KBTBD12: variants seen among roughly 807,000 people sequenced by gnomAD.
The protein encoded by KBTBD12 is kelch repeat and BTB domain-containing protein 12.
In KBTBD12, 53 loss-of-function variants were observed where a neutral mutation model predicts 58.7. That is an observed-to-expected ratio of 0.90 (90% confidence interval 0.72 to 1.14). The LOEUF (loss-of-function observed/expected upper bound fraction) is 1.14, where lower values mean the gene tolerates loss of function less well. Ranked by LOEUF, KBTBD12 falls within the 50% of genes most tolerant of loss-of-function variation. The pLI is 0.00. For synonymous variants in KBTBD12, 236 were observed against 259.8 expected (o/e 0.91, Z 0.88); for missense variants, 704 against 751.3 (o/e 0.94, Z 0.74).
chr3:127,966,818 AGAACACTGGG>A (rs1157604908), intron 5 of KBTBD12, among the ~76,000 whole-genome samples: 2 of 152,240 alleles, frequency 1.3e-5, no homozygotes, highest in Non-Finnish European at 2.9e-5. Flanking sequence ...GTGACATTAC[AGAACACTGGG>A]GAAAAAAATA....
At chr3:127,937,383 A>G (rs1939853767) in intron 4 of KBTBD12, among the ~76,000 whole-genome samples, 1 of 152,210 alleles carries the variant, frequency 6.6e-6, no homozygotes, top group African/African-American at 2.4e-5. Context: ...ATGTAAAAAT[A>G]TATAACAATA....
At chr3:127,969,162 A>T (rs55993298) in intron 5 of KBTBD12, among the ~76,000 whole-genome samples, 4,182 of 152,268 alleles carry the variant, frequency 0.027, 192 homozygotes, top group African/African-American at 0.095. Flanking sequence ...TGACATAATC[A>T]TTTTTTTCGA....
chr3:127,930,791 T>C (rs769572869), intron 4 of KBTBD12, among the ~76,000 whole-genome samples: 3 of 152,182 alleles, frequency 2.0e-5, no homozygotes, highest in African/African-American at 4.8e-5. Flanking sequence ...TTGTACTTCT[T>C]ATATGTATGG....
At chr3:127,968,430 C>A (rs1267507198) in intron 5 of KBTBD12, among the ~76,000 whole-genome samples, 1 of 152,194 alleles carries the variant, frequency 6.6e-6, no homozygotes, top group Non-Finnish European at 1.5e-5. Flanking sequence ...CAGTGTTATT[C>A]TGATACCAAA....
intron 4 of KBTBD12, among the ~76,000 whole-genome samples, chr3:127,942,801 G>A (rs961764796): frequency 2.0e-5 from 3 of 151,700 alleles, no homozygotes; most frequent in Non-Finnish European, 2.9e-5. Context: ...TTTAGCTCAT[G>A]GTTCTGCAGA....
rs762009825 is a variant in KBTBD12 at position 127,924,009 on chromosome 3, C to T, written c.948C>T (p.Tyr316=). ...CCTATTTCATCTCATCTCCCAAGTACGGAGAGGGTTTAGGAACTGTGTGTA... is the reference window on the plus strand; with the variant it reads ...CCTATTTCATCTCATCTCCCAAGTATGGAGAGGGTTTAGGAACTGTGTGTA... ...RKTYFISSPK[Y]GEGLGTVCTG... is the part of the protein sequence containing the mutation. Residue 316 remains tyrosine (Y), a synonymous_variant, in exon 2 of 6, where the codon TAC becomes TAT. Coordinates refer to ENST00000405109, the MANE Select transcript of KBTBD12 (RefSeq NM_207335.4). 6.8e-6 allele frequency: 11 copies of T among 1,613,426 alleles called. No individual in the cohort carries two copies. In the Middle Eastern group the frequency reaches 4.9e-4, roughly 72 times the overall value.
chr3:127,951,295 A>G (rs1940197930), intron 4 of KBTBD12, among the ~76,000 whole-genome samples: 1 of 152,224 alleles, frequency 6.6e-6, no homozygotes. Context: ...ATTCTCATTG[A>G]ACAAAGCAAA....
chr3:127,930,815 A>G (rs1398258346), intron 4 of KBTBD12, among the ~76,000 whole-genome samples: 1 of 152,178 alleles, frequency 6.6e-6, no homozygotes. Flanking sequence ...TGTACTAACC[A>G]TAACTAACAA....
chr3:127,984,208 T>A lies in KBTBD12; in HGVS notation c.1802T>A (p.Val601Glu), dbSNP rs182302391. The change falls in exon 6 of 6, where the codon GTA becomes GAA. Residue 601 changes from valine to glutamate, a missense_variant. By Grantham distance (121) the Val-to-Glu change is moderately radical. Transcript: ENST00000405109. ...CATGACAGCTATGATGTCTGCCTAG[T>A]AGCCAGGATGAATCCCCGAGACCTC... ...LMHDSYDVCLVARMNPRDLIP... is the reference protein window; with the variant it reads ...LMHDSYDVCLEARMNPRDLIP... 1.2e-6 allele frequency: 2 copies of A among 1,613,886 alleles called. No homozygotes were observed. The highest frequency in any genetic ancestry group is 2.7e-5 in the African/African-American group (2 of 74,930).
At chr3:127,983,581 C>T (rs1576399509) in intron 5 of KBTBD12, among the ~76,000 whole-genome samples, 1 of 152,034 alleles carries the variant, frequency 6.6e-6, no homozygotes. Flanking sequence ...GATGAAACCC[C>T]GTCTCTACTA....
chr3:127,931,601 C>G (rs1939702123), intron 4 of KBTBD12, among the ~76,000 whole-genome samples: 1 of 152,076 alleles, frequency 6.6e-6, no homozygotes, highest in South Asian at 2.1e-4. Flanking sequence ...AAAGTGGAGC[C>G]ACAACGAGGC....
At chr3:127,918,683 G>A (rs1360376711) in intron 1 of KBTBD12, among the ~76,000 whole-genome samples, 1 of 150,320 alleles carries the variant, frequency 6.7e-6, no homozygotes, top group Non-Finnish European at 1.5e-5. Flanking sequence ...CTGCACTCAA[G>A]CCTGGGCGAC....
intron 2 of KBTBD12, 51 bp from the exon 3 acceptor site, chr3:127,927,713 A>G (rs1169410328): frequency 1.5e-6 from 2 of 1,296,780 alleles, no homozygotes; most frequent in African/African-American, 2.9e-5. Flanking sequence ...TTCTTGGGTA[A>G]ATTGCTTTCA....
At chr3:127,959,282 A>G (rs570941205) in intron 4 of KBTBD12, among the ~76,000 whole-genome samples, 2 of 152,272 alleles carry the variant, frequency 1.3e-5, no homozygotes, top group African/African-American at 4.8e-5. Flanking sequence ...ATCCTTTTCT[A>G]TTGTTAGGTC....
At chr3:127,958,036 A>C (rs1313292183) in intron 4 of KBTBD12, among the ~76,000 whole-genome samples, 4 of 152,148 alleles carry the variant, frequency 2.6e-5, no homozygotes, top group South Asian at 2.1e-4. Flanking sequence ...AGGCGGAGAG[A>C]TCAGCCCAAG....
chr3:127,982,245 C>G (rs1940886481), intron 5 of KBTBD12, among the ~76,000 whole-genome samples: 1 of 152,232 alleles, frequency 6.6e-6, no homozygotes, highest in Non-Finnish European at 1.5e-5. Context: ...GTTTTGACAA[C>G]TTAAGAGACC....
intron 4 of KBTBD12, among the ~76,000 whole-genome samples, chr3:127,949,205 A>G (rs1559768078): frequency 6.6e-6 from 1 of 152,212 alleles, no homozygotes; most frequent in Non-Finnish European, 1.5e-5. Flanking sequence ...GCTTACTTCA[A>G]GAAGTTGGGG....
chr3:127,921,782 A>G (rs1332351637), intron 1 of KBTBD12, among the ~76,000 whole-genome samples: 1 of 152,144 alleles, frequency 6.6e-6, no homozygotes, highest in African/African-American at 2.4e-5. Flanking sequence ...CATCCAAGCA[A>G]AATATTTATT....
At chr3:127,973,668 G>C (rs1940725153) in intron 5 of KBTBD12, among the ~76,000 whole-genome samples, 1 of 151,992 alleles carries the variant, frequency 6.6e-6, no homozygotes, top group Admixed American at 6.6e-5. Context: ...GTATGGGGTG[G>C]GGACATAAAG....
Sources: allele counts gnomAD v4.1 joint callset (sites outside exome capture counted in the v4.1 genomes callset), GRCh38; gene constraint gnomAD v4.1.1; transcripts MANE v1.5; gene names NCBI Gene and HGNC (gene_info 2026-07-23, HGNC 2026-07-21).